The following KLF8 variants were observed in gnomAD, a reference collection of about 807,000 sequenced individuals.
KLF8 encodes Krueppel-like factor 8.
KLF8 carries 10 observed loss-of-function variants against 18.2 expected under a neutral mutation model. The observed-to-expected ratio is 0.55, with a 90% confidence interval of 0.34 to 0.93. The LOEUF (loss-of-function observed/expected upper bound fraction) is 0.93. Ranked by LOEUF, KLF8 falls within the 40% of genes least tolerant of loss-of-function variation. The probability of loss-of-function intolerance (pLI) is 0.02; values close to 1 mark genes in which losing one functional copy is unlikely to be tolerated. For synonymous variants in KLF8, 109 were observed against 97.3 expected (o/e 1.12, Z -0.71); for missense variants, 264 against 277.9 (o/e 0.95, Z 0.36).
chrX:56,237,783 A>G (rs961285606), intron 1 of KLF8, among the ~76,000 whole-genome samples: 3 of 112,014 alleles, frequency 2.7e-5, no homozygotes, highest in Non-Finnish European at 5.6e-5. Context: ...ATTTTCTCAC[A>G]GTTCTGGAGG....
At chrX:56,189,034 C>T in the KLF8 span, among the ~76,000 whole-genome samples, 2 of 111,609 alleles carry the variant, frequency 1.8e-5, no homozygotes, top group African/African-American at 6.5e-5. Context: ...TCTAATTAAA[C>T]TCAAGAGCTT....
the KLF8 span, among the ~76,000 whole-genome samples, chrX:55,979,885 T>C: frequency 9.0e-6 from 1 of 111,410 alleles, no homozygotes; most frequent in South Asian, 3.8e-4. Context: ...AGGTCTGCCA[T>C]TCACTGAGAT....
the KLF8 span, among the ~76,000 whole-genome samples, chrX:56,074,416 A>G: frequency 9.0e-6 from 1 of 111,052 alleles, no homozygotes; most frequent in Non-Finnish European, 1.9e-5. Flanking sequence ...TAAGAGTTTT[A>G]TGTTTTAGAT....
At chrX:56,156,026 G>A in the KLF8 span, among the ~76,000 whole-genome samples, 1 of 111,454 alleles carries the variant, frequency 9.0e-6, no homozygotes, top group African/African-American at 3.3e-5. Context: ...TGACATACAT[G>A]TGCCACATTT....
chrX:55,915,872 G>T, the KLF8 span, among the ~76,000 whole-genome samples: 1 of 111,974 alleles, frequency 8.9e-6, no homozygotes, highest in East Asian at 2.8e-4. Flanking sequence ...TTTGGAAATG[G>T]GAAGTTGTCA....
the KLF8 span, among the ~76,000 whole-genome samples, chrX:56,013,595 C>T: frequency 9.0e-6 from 1 of 111,255 alleles, no homozygotes; most frequent in Non-Finnish European, 1.9e-5. Context: ...TGGGAGGGAC[C>T]AGGTGGAGAT....
the KLF8 span, among the ~76,000 whole-genome samples, chrX:56,074,101 G>GA: frequency 5.4e-5 from 6 of 110,938 alleles, no homozygotes; most frequent in Non-Finnish European, 1.1e-4. Flanking sequence ...TTCTTCTTTG[G>GA]AAAAAAATCT....
chrX:56,078,226 C>A, the KLF8 span, among the ~76,000 whole-genome samples: 2 of 111,782 alleles, frequency 1.8e-5, no homozygotes, highest in Non-Finnish European at 1.9e-5. Flanking sequence ...TGCCAGTTTT[C>A]AAAGGGAATG....
chrX:56,199,074 T>TC, the KLF8 span, among the ~76,000 whole-genome samples: 2 of 111,707 alleles, frequency 1.8e-5, no homozygotes. Context: ...CCTTACAGCT[T>TC]ATAAAGAATT....
At chrX:56,078,155 C>T in the KLF8 span, among the ~76,000 whole-genome samples, 1 of 111,652 alleles carries the variant, frequency 9.0e-6, no homozygotes, top group East Asian at 2.8e-4. Context: ...CCTAATTGCC[C>T]TGGCCAGACC....
the KLF8 span, among the ~76,000 whole-genome samples, chrX:56,000,326 C>T: frequency 1.8e-5 from 2 of 109,567 alleles, no homozygotes; most frequent in Non-Finnish European, 3.8e-5. Context: ...CCTTTCCTGG[C>T]TTGGTTTTAA....
At chrX:56,007,510 T>C in the KLF8 span, among the ~76,000 whole-genome samples, 2 of 111,438 alleles carry the variant, frequency 1.8e-5, no homozygotes, top group African/African-American at 6.5e-5. Context: ...ATCTCTTGCT[T>C]GCTTTTCTTC....
chrX:56,035,564 T>G, the KLF8 span, among the ~76,000 whole-genome samples: 2 of 112,443 alleles, frequency 1.8e-5, no homozygotes, highest in Non-Finnish European at 3.8e-5. Flanking sequence ...ATAGTGGTAC[T>G]AAGTTAAATT....
chrX:56,126,215 T>C, the KLF8 span, among the ~76,000 whole-genome samples: 1 of 111,697 alleles, frequency 9.0e-6, no homozygotes, highest in Non-Finnish European at 1.9e-5. Context: ...TTCCTTTCAG[T>C]TGATAAGACC....
the KLF8 span, among the ~76,000 whole-genome samples, chrX:56,011,848 G>C: frequency 6.3e-5 from 7 of 111,620 alleles, no homozygotes; most frequent in Non-Finnish European, 1.1e-4. Context: ...ATAAACTAGA[G>C]AATCTAGAAA....
chrX:56,183,251 G>A, the KLF8 span, among the ~76,000 whole-genome samples: 4 of 112,181 alleles, frequency 3.6e-5, no homozygotes, highest in African/African-American at 1.3e-4. Flanking sequence ...GGCTCCGTGG[G>A]CAAGGGACAC....
chrX:55,935,862 G>A, the KLF8 span, among the ~76,000 whole-genome samples: 1 of 111,340 alleles, frequency 9.0e-6, no homozygotes, highest in Non-Finnish European at 1.9e-5. Flanking sequence ...AAAAACACAT[G>A]GGAATAAAAC....
chrX:56,161,706 TG>T, the KLF8 span, among the ~76,000 whole-genome samples: 6 of 111,697 alleles, frequency 5.4e-5, no homozygotes, highest in African/African-American at 2.0e-4. Context: ...CTTCACGCCA[TG>T]GGTTTGAACT....
intron 5 of KLF8, 25 bp downstream of exon 5, chrX:56,270,346 CA>C: frequency 1.3e-6 from 1 of 765,395 alleles, no homozygotes; most frequent in Non-Finnish European, 1.7e-6. Context: ...ATCTCACCCC[CA>C]ACACACACAC....
Sources: gnomAD v4.1 joint callset for allele counts (sites outside exome capture counted in the v4.1 genomes callset) on GRCh38, gnomAD v4.1.1 for gene constraint, MANE v1.5 for transcripts, NCBI Gene and HGNC (gene_info 2026-07-23, HGNC 2026-07-21) for gene names.